TET2: variants seen among roughly 807,000 people sequenced by gnomAD.
TET2 encodes tet methylcytosine dioxygenase 2.
A neutral mutation model predicts 142.9 loss-of-function variants in TET2; 299 were observed. The ratio of observed to expected loss-of-function variants is 2.09; its 90% confidence interval spans 1.90 to 2.30. The LOEUF (loss-of-function observed/expected upper bound fraction) is 2.30, where lower values mean the gene tolerates loss of function less well. TET2 is among the 30% of genes most tolerant of loss of function. The pLI, the probability that TET2 is intolerant of heterozygous loss-of-function variation, is 0.00. For synonymous variants in TET2, 819 were observed against 849.0 expected, an observed-to-expected ratio of 0.96 and a Z score of 0.61; for missense variants, 2,418 against 2,378.0, an observed-to-expected ratio of 1.02 and a Z score of -0.35.
rs889150840 is a variant in TET2 at position 105,221,625 on chromosome 4, A to G, written c.-46-12272A>G. Among the ~76,000 whole-genome samples the G allele has an allele frequency of 5.3e-5, 8 of 152,290 alleles. No homozygotes were observed. The South Asian group carries it at 6.2e-4, about 12-fold the overall frequency. On this transcript the variant is annotated intron_variant, in intron 2 of 10. Transcript: ENST00000380013. Reference sequence around the variant, plus strand: ...ATGTGTATGTGCAGCTACTTGTCCAATTAACACCTTTTCAGAAATGGAGGA... The same window carrying G: ...ATGTGTATGTGCAGCTACTTGTCCAGTTAACACCTTTTCAGAAATGGAGGA...
intron 2 of TET2, among the ~76,000 whole-genome samples, chr4:105,201,832 C>T (rs1726494415): frequency 1.5e-5 from 2 of 137,306 alleles, no homozygotes; most frequent in African/African-American, 5.4e-5. Flanking sequence ...GCCTCAACTT[C>T]CCAGGCTCAG....
Position 105,276,866 on chromosome 4 carries a change from A to C in TET2, c.*347A>C. The C allele has an allele frequency of 5.6e-6, 1 of 179,646 alleles. No homozygotes were observed. The highest frequency in any genetic ancestry group is 1.1e-4 in the East Asian group (1 of 8,994). The allele number at this position is 179,646 out of a possible 1,614,324, so 11.1% of individuals were successfully genotyped here. ...CCCCCCCCCGCTTACAACTCTACAC[A>C]TCTGTGACCACTTTTAATAATATCA... On this transcript the variant is annotated 3_prime_UTR_variant, in exon 11 of 11. Coordinates refer to ENST00000380013, the MANE Select transcript of TET2 (RefSeq NM_001127208.3).
At position 105,275,507 on chromosome 4, in the gene TET2, C is replaced by G; in HGVS notation, c.4997C>G (p.Pro1666Arg). The G allele has an allele frequency of 1.3e-6, 2 of 1,551,682 alleles. No individual in the cohort carries two copies. The highest frequency in any genetic ancestry group is 2.4e-5 in the South Asian group (2 of 84,066). The change falls in exon 11 of 11, where the codon CCT becomes CGT. Residue 1666 changes from proline to arginine, a missense_variant. Transcript: ENST00000380013. ...MDLYRYPSQD[P>R]LSKLSLPPIH... The stretch of plus-strand genomic sequence containing the variant: ...CTGTATAGGTATCCAAGCCAAGACC[C>G]TCTGTCTAAGCTCAGTCTACCACCC...
At chr4:105,208,165 C>T (rs146239866) in intron 2 of TET2, among the ~76,000 whole-genome samples, 8 of 152,218 alleles carry the variant, frequency 5.3e-5, no homozygotes, top group African/African-American at 1.7e-4. Flanking sequence ...TCTTGGGTCA[C>T]CTTGCCAACT....
chr4:105,233,767 C>T, intron 2 of TET2, 130 bp from the exon 3 acceptor site: 2 of 538,212 alleles, frequency 3.7e-6, no homozygotes, highest in Non-Finnish European at 6.3e-6. Context: ...AAATAAATAT[C>T]AGTTTGCTAT....
chr4:105,161,875 A>C (rs1275008618), intron 1 of TET2, among the ~76,000 whole-genome samples: 1 of 152,196 alleles, frequency 6.6e-6, no homozygotes, highest in Non-Finnish European at 1.5e-5. Context: ...ACCAAGGAGC[A>C]ATGTGGAAAT....
intron 2 of TET2, among the ~76,000 whole-genome samples, chr4:105,197,228 C>T (rs533461779): frequency 6.6e-6 from 1 of 152,112 alleles, no homozygotes; most frequent in Middle Eastern, 3.4e-3. Flanking sequence ...TGTTCTAATT[C>T]TAATAGTATT....
intron 2 of TET2, among the ~76,000 whole-genome samples, chr4:105,211,550 A>G (rs1356267873): frequency 1.3e-5 from 2 of 152,206 alleles, no homozygotes; most frequent in African/African-American, 2.4e-5. Flanking sequence ...GCAATGAGAG[A>G]TAGAGGAAAA....
intron 2 of TET2, among the ~76,000 whole-genome samples, chr4:105,197,723 A>G (rs1726175431): frequency 6.6e-6 from 1 of 152,250 alleles, no homozygotes; most frequent in Non-Finnish European, 1.5e-5. Flanking sequence ...GTAGAATTAA[A>G]TATTTAGGCA....
intron 1 of TET2, among the ~76,000 whole-genome samples, chr4:105,189,183 A>G: frequency 6.6e-6 from 1 of 150,974 alleles, no homozygotes. Flanking sequence ...GTAAAATGGG[A>G]ATAATAATAA....
rs758392177 is a variant in TET2 at position 105,234,069 on chromosome 4, A to G, written c.127A>G (p.Arg43Gly). ...KLQNGSPLPERAHPEVNGDTK... is the reference protein window; with the variant it reads ...KLQNGSPLPEGAHPEVNGDTK... ...CCAGAATGGAAGCCCACTGCCTGAG[A>G]GAGCTCATCCAGAAGTAAATGGAGA... The change falls in exon 3 of 11, where the codon AGA (arginine) becomes GGA (glycine). Residue 43 changes from arginine (R) to glycine (G), a missense_variant. Coordinates refer to ENST00000380013, the MANE Select transcript of TET2 (RefSeq NM_001127208.3). 1 of 1,613,990 alleles carries G rather than the reference A, an allele frequency of 6.2e-7. No individual in the cohort carries two copies. Among genetic ancestry groups the G allele is most frequent in the Non-Finnish European group, 8.5e-7 (1 of 1,180,012 alleles).
intron 2 of TET2, among the ~76,000 whole-genome samples, chr4:105,220,422 A>G (rs1727746829): frequency 6.6e-6 from 1 of 151,990 alleles, no homozygotes; most frequent in African/African-American, 2.4e-5. Context: ...ACTCAGTCCT[A>G]TTCATTTTAA....
At chr4:105,166,506 G>C (rs1578547976) in intron 1 of TET2, among the ~76,000 whole-genome samples, 1 of 150,402 alleles carries the variant, frequency 6.6e-6, no homozygotes, top group East Asian at 1.9e-4. Flanking sequence ...TTCTAATTTA[G>C]AGTTTCTTCT....
At chr4:105,229,685 C>G (rs1354540279) in intron 2 of TET2, among the ~76,000 whole-genome samples, 13 of 151,660 alleles carry the variant, frequency 8.6e-5, no homozygotes, top group Non-Finnish European at 1.0e-4. Context: ...TAAAAGTAAT[C>G]CCCCTCCCAG....
rs577099030 is a variant in TET2, at chr4:105,245,566, G to T, written c.3803+1788G>T. On this transcript the variant is annotated intron_variant, in intron 6 of 10. Coordinates refer to ENST00000380013, the MANE Select transcript of TET2 (RefSeq NM_001127208.3). Reference sequence around the variant, plus strand: ...GCTGGTCTGGAACTCCTGACCTCGGGTGATCCGCCCGCCTCGGCCTCCCAG... The same window carrying T: ...GCTGGTCTGGAACTCCTGACCTCGGTTGATCCGCCCGCCTCGGCCTCCCAG... Among the ~76,000 whole-genome samples the T allele has an allele frequency of 6.2e-4, 94 of 152,242 alleles. 1 individual carries two copies. In the South Asian group the frequency reaches 0.019, roughly 30 times the overall value.
At chr4:105,191,940 A>G (rs1175080468) in intron 2 of TET2, among the ~76,000 whole-genome samples, 1 of 152,104 alleles carries the variant, frequency 6.6e-6, no homozygotes, top group Non-Finnish European at 1.5e-5. Context: ...TTCCCCTCTC[A>G]TGCTGGAAAA....
chr4:105,190,325 C>T, intron 1 of TET2, 35 bp from the exon 2 acceptor site: 1 of 616,056 alleles, frequency 1.6e-6, no homozygotes. Flanking sequence ...TTCCTTTTTG[C>T]TAACTTAAAA....
chr4:105,195,342 C>T (rs908652735), intron 2 of TET2, among the ~76,000 whole-genome samples: 1 of 152,118 alleles, frequency 6.6e-6, no homozygotes, highest in Non-Finnish European at 1.5e-5. Flanking sequence ...TCTGACCAGA[C>T]ATTTTTCTCA....
chr4:105,269,794 C>T lies in TET2; in HGVS notation c.4182+47C>T, dbSNP rs980652033. The T allele has an allele frequency of 2.6e-6, 4 of 1,540,222 alleles. No homozygotes were observed. The African/African-American group carries it at 5.5e-5, about 21-fold the overall frequency. On this transcript the variant is annotated intron_variant, in intron 9 of 10. Transcript: ENST00000380013. Reference sequence around the variant, plus strand: ...TTAGCAGCTGTTGAGTCTGTTCTCACACTGCTAATAAAGACATATGCAAGA... The same window carrying T: ...TTAGCAGCTGTTGAGTCTGTTCTCATACTGCTAATAAAGACATATGCAAGA...
Sources: allele counts gnomAD v4.1 joint callset (sites outside exome capture counted in the v4.1 genomes callset), GRCh38; gene constraint gnomAD v4.1.1; transcripts MANE v1.5; gene names NCBI Gene and HGNC (gene_info 2026-07-23, HGNC 2026-07-21).